Variants in ODAD4 observed in about 807,000 individuals in gnomAD.
ODAD4 encodes outer dynein arm-docking complex subunit 4.
A neutral mutation model predicts 51.8 loss-of-function variants in ODAD4; 49 were observed. The observed-to-expected ratio is 0.95, with a 90% CI of 0.75 to 1.20. ODAD4 has a LOEUF of 1.20. Among genes scored for constraint, ODAD4 ranks in the 50% most tolerant of loss-of-function variants. ODAD4 has a pLI of 0.00. For missense variants in ODAD4, 590 were observed against 586.5 expected (o/e 1.01, Z -0.06); for synonymous variants, 235 against 221.3 (o/e 1.06, Z -0.55).
At chr17:41,938,007 C>G (rs2050451009) in intron 5 of ODAD4, among the ~76,000 whole-genome samples, 2 of 152,240 alleles carry the variant, frequency 1.3e-5, no homozygotes, top group African/African-American at 4.8e-5. Flanking sequence ...TCCTTAGCAA[C>G]AGGCCTGAAT....
chr17:41,941,956 T>G (rs2050513261), intron 7 of ODAD4, among the ~76,000 whole-genome samples: 1 of 152,144 alleles, frequency 6.6e-6, no homozygotes. Context: ...ACTGAATAAT[T>G]TGAGATGGAG....
rs375330943 is a variant in ODAD4 at position 41,965,460 on chromosome 17, G to T, written c.1996G>T (p.Glu666Ter). 9.6e-5 allele frequency: 74 copies of T among 773,880 alleles called. No individual in the cohort carries two copies. The African/African-American group carries it at 1.2e-3, about 13-fold the overall frequency. The allele number at this position is 773,880 out of a possible 1,614,324, so 47.9% of individuals were successfully genotyped here. Reference protein sequence around the residue: ...EIGETKKTGNEMEKEYE With the variant: ...EIGETKKTGN Reference sequence around the variant, plus strand: ...AGGAGAAACGAAAAAAACAGGAAATGAGATGGAAAAGGAATATGAATGAAG... The same window carrying T: ...AGGAGAAACGAAAAAAACAGGAAATTAGATGGAAAAGGAATATGAATGAAG... Residue 666 changes from glutamate to a stop codon, truncating the protein, a stop_gained, in exon 12 of 12, where the codon GAG becomes TAG. Transcript: ENST00000377540. LOFTEE classifies it low-confidence loss of function (END_TRUNC).
In ODAD4 at chr17:41,944,068, A is replaced by T. The variant is rs557963517; in HGVS notation, c.1059-1068A>T. On this transcript the variant is annotated intron_variant, in intron 7 of 11. Coordinates refer to ENST00000377540, the MANE Select transcript of ODAD4 (RefSeq NM_031421.5). The stretch of plus-strand genomic sequence containing the variant: ...CAAAATTAGCCAGGCGTGGTGGCAC[A>T]TGCCTGTAATCTTAGTTACTCAGGG... Among the ~76,000 whole-genome samples, 4 of 152,062 alleles carry T rather than the reference A, an allele frequency of 2.6e-5. No homozygotes were observed. In the East Asian group the frequency reaches 7.7e-4, roughly 29 times the overall value.
In ODAD4 at chr17:41,936,547, G is replaced by C; in HGVS notation, c.459+13G>C. The C allele has an allele frequency of 1.2e-6, 2 of 1,610,594 alleles. No homozygotes were observed. The highest frequency in any genetic ancestry group is 8.5e-7 in the Non-Finnish European group (1 of 1,177,456). On this transcript the variant is annotated intron_variant, in intron 4 of 11. Transcript: ENST00000377540. The stretch of plus-strand genomic sequence containing the variant: ...CAAGCAGGCTGAGGTAAGGGCCCTG[G>C]TTCTGTGGTTGTATCCCTCCAAGGG...
intron 9 of ODAD4, chr17:41,952,537 C>A (rs1182608740): frequency 1.6e-5 from 4 of 253,008 alleles, no homozygotes; most frequent in African/African-American, 1.1e-4. Flanking sequence ...CTGACCCTCA[C>A]TCCAAAAAAA....
chr17:41,940,406 A>G (rs1024825910), intron 7 of ODAD4, among the ~76,000 whole-genome samples: 16 of 152,092 alleles, frequency 1.1e-4, no homozygotes, highest in African/African-American at 3.9e-4. Context: ...TCTTATAGCA[A>G]TCTTCCCTTG....
In ODAD4 at chr17:41,930,740, G is replaced by T. The variant is rs782235908; in HGVS notation, c.17G>T (p.Gly6Val). ...CCGGTCACCATGTCGGACCCCGAAG[G>T]CGAGACCTTGCGAAGCACCTTTCCC... MSDPE[G>V]ETLRSTFPSY... Residue 6 changes from glycine (G) to valine (V), a missense_variant, in exon 1 of 12, where the codon GGC becomes GTC. Around this residue, in one of 3 missense-constraint regions of ODAD4, gnomAD observed 360 missense variants for 407.5 expected, o/e 0.88. Coordinates refer to ENST00000377540, the MANE Select transcript of ODAD4 (RefSeq NM_031421.5). 1.9e-6 allele frequency: 3 copies of T among 1,610,530 alleles called. No individual in the cohort carries two copies. The highest frequency in any genetic ancestry group is 2.7e-5 in the African/African-American group (2 of 74,898).
At chr17:41,963,760 G>A (rs1247935375) in intron 11 of ODAD4, among the ~76,000 whole-genome samples, 7 of 148,462 alleles carry the variant, frequency 4.7e-5, no homozygotes, top group Non-Finnish European at 1.0e-4. Context: ...TTACAGGCAT[G>A]AGCCACTGTG....
At chr17:41,951,090 CT>C (rs1357997882) in intron 9 of ODAD4, among the ~76,000 whole-genome samples, 153 of 145,592 alleles carry the variant, frequency 1.1e-3, no homozygotes, top group African/African-American at 3.0e-3. Flanking sequence ...AAATTTTCTT[CT>C]TTTTTTTTTT....
chr17:41,935,355 G>A lies in ODAD4; in HGVS notation c.246+7G>A, dbSNP rs1555637560. The A allele has an allele frequency of 2.5e-6, 4 of 1,613,206 alleles. No individual in the cohort carries two copies. Among genetic ancestry groups the A allele is most frequent in the Non-Finnish European group, 3.4e-6 (4 of 1,179,648 alleles). ...TGACCCAGCTTTCTGTAAGGTGACTGCATGGGCGGGAGGACTGGATCCTGC... is the reference window on the plus strand; with the variant it reads ...TGACCCAGCTTTCTGTAAGGTGACTACATGGGCGGGAGGACTGGATCCTGC... On this transcript the variant is annotated splice_region_variant and intron_variant, in intron 2 of 11. Coordinates refer to ENST00000377540, the MANE Select transcript of ODAD4 (RefSeq NM_031421.5).
At chr17:41,933,344 C>CT (rs2050376208) in intron 1 of ODAD4, among the ~76,000 whole-genome samples, 2 of 144,386 alleles carry the variant, frequency 1.4e-5, no homozygotes, top group South Asian at 4.4e-4. Context: ...GAGTGAAACT[C>CT]TGTCTCAAAA....
chr17:41,947,778 A>G (rs1343218433), intron 8 of ODAD4, among the ~76,000 whole-genome samples: 2 of 151,860 alleles, frequency 1.3e-5, no homozygotes, highest in African/African-American at 2.4e-5. Flanking sequence ...CTGGGCAACA[A>G]GAGCGAAACT....
chr17:41,953,163 C>T (rs1177795681), intron 9 of ODAD4, among the ~76,000 whole-genome samples: 2 of 151,352 alleles, frequency 1.3e-5, no homozygotes, highest in African/African-American at 2.4e-5. Flanking sequence ...CGATTTCAAG[C>T]GATTCTTCTG....
chr17:41,944,673 C>A (rs1421759251), intron 7 of ODAD4, among the ~76,000 whole-genome samples: 1 of 151,756 alleles, frequency 6.6e-6, no homozygotes, highest in Non-Finnish European at 1.5e-5. Context: ...CACCTGTAAT[C>A]CCAGCAACTC....
rs1555642689 is a variant in ODAD4, at chr17:41,965,934, A to AATCC, written c.*452_*453insTCCA. Among the ~76,000 whole-genome samples, 71 of 152,288 alleles carry AATCC rather than the reference A, an allele frequency of 4.7e-4. No individual in the cohort carries two copies. Among genetic ancestry groups the AATCC allele is most frequent in the African/African-American group, 1.7e-3 (70 of 41,558 alleles). ...GCTGTCACAGGTAGGAGAATGCCGC[A>AATCC]AGCCAGAACCAAGCGAATGCTGGGA... On this transcript the variant is annotated 3_prime_UTR_variant, in exon 12 of 12. Coordinates refer to ENST00000377540, the MANE Select transcript of ODAD4 (RefSeq NM_031421.5).
At chr17:41,934,773 G>A (rs2050401226) in intron 1 of ODAD4, among the ~76,000 whole-genome samples, 1 of 152,216 alleles carries the variant, frequency 6.6e-6, no homozygotes, top group African/African-American at 2.4e-5. Context: ...GTCCACTTCA[G>A]AATGCTTAGC....
At chr17:41,945,243 T>A (rs782303658) in intron 8 of ODAD4, 21 bp downstream of exon 8, 6 of 1,586,302 alleles carry the variant, frequency 3.8e-6, no homozygotes, top group Non-Finnish European at 5.2e-6. Context: ...AAGAATTGCC[T>A]CTTCCCCACC....
At chr17:41,933,794 A>G (rs1555637320) in intron 1 of ODAD4, among the ~76,000 whole-genome samples, 1 of 151,618 alleles carries the variant, frequency 6.6e-6, no homozygotes, top group Non-Finnish European at 1.5e-5. Flanking sequence ...AGCCTGGGTG[A>G]CAGTGTGAGA....
intron 3 of ODAD4, among the ~76,000 whole-genome samples, 186 bp from the exon 4 acceptor site, chr17:41,936,287 G>A (rs1277824032): frequency 6.6e-6 from 1 of 152,148 alleles, no homozygotes; most frequent in African/African-American, 2.4e-5. Flanking sequence ...GGGCTAGCGG[G>A]GGCTGTTAGC....
Sources: allele counts gnomAD v4.1 joint callset (sites outside exome capture counted in the v4.1 genomes callset), GRCh38; gene constraint gnomAD v4.1.1; regional missense constraint gnomAD v4.1.1; transcripts MANE v1.5; gene names NCBI Gene and HGNC (gene_info 2026-07-23, HGNC 2026-07-21).